The following TNN variants were observed in gnomAD, a reference collection of about 807,000 sequenced individuals.
TNN encodes the protein tenascin N.
TNN carries 122 observed loss-of-function variants against 134.4 expected under a neutral mutation model. The observed-to-expected ratio is 0.91, with a 90% CI of 0.78 to 1.06. The LOEUF is 1.06. TNN is among the 50% of genes least tolerant of loss of function. The probability of loss-of-function intolerance (pLI) is 0.00; values close to 1 mark genes in which losing one functional copy is unlikely to be tolerated. For synonymous variants in TNN, 710 were observed against 670.3 expected, an observed-to-expected ratio of 1.06 and a Z score of -0.91; for missense variants, 1,739 against 1,699.4, an observed-to-expected ratio of 1.02 and a Z score of -0.41.
At chr1:175,126,884 C>A in intron 12 of TNN, 71 bp from the exon 13 acceptor site, 1 of 1,513,318 alleles carries the variant, frequency 6.6e-7, no homozygotes, top group Non-Finnish European at 8.9e-7. Context: ...AAAATATAAA[C>A]TGATGTCTCA....
At chr1:175,079,201 A>C in intron 2 of TNN, 132 bp from the exon 3 acceptor site, 75 of 1,088,518 alleles carry the variant, frequency 6.9e-5, no homozygotes, top group East Asian at 2.6e-4. Flanking sequence ...ATAGCCGTGC[A>C]AGACCCAGAA....
intron 5 of TNN, 124 bp downstream of exon 5, chr1:175,084,059 C>A: frequency 1.0e-6 from 1 of 987,772 alleles, no homozygotes; most frequent in Non-Finnish European, 1.5e-6. Context: ...CCTTAGGAAT[C>A]ACACTTGAAT....
intron 15 of TNN, among the ~76,000 whole-genome samples, chr1:175,129,560 T>TTACC (rs1448070085): frequency 1.3e-5 from 2 of 151,304 alleles, no homozygotes; most frequent in Non-Finnish European, 2.9e-5. Flanking sequence ...TATGTATGTA[T>TTACC]TACCTATATT....
At chr1:175,143,406 G>A (rs1345340914) in intron 17 of TNN, among the ~76,000 whole-genome samples, 1 of 152,152 alleles carries the variant, frequency 6.6e-6, no homozygotes, top group Non-Finnish European at 1.5e-5. Flanking sequence ...AGGGAAACAG[G>A]AGATACATAA....
intron 8 of TNN, among the ~76,000 whole-genome samples, chr1:175,098,025 A>G (rs915401886): frequency 7.2e-5 from 11 of 152,124 alleles, no homozygotes; most frequent in African/African-American, 2.7e-4. Context: ...TATGTTAGGA[A>G]CCCTAAATGT....
chr1:175,098,432 G>A lies in TNN; in HGVS notation c.1956G>A (p.Val652=), dbSNP rs1397896836. Residue 652 remains valine, a synonymous_variant, in exon 9 of 19, where the codon GTG becomes GTA. Transcript: ENST00000239462. ...PVQAAIDKYV[V]RYTSAGGETR... is the part of the protein sequence containing the mutation. ...AGGCCGCCATTGACAAGTACGTGGT[G>A]CGCTACACCTCTGCTGGTGGAGAGA... 1 of 1,614,074 alleles carries A rather than the reference G, an allele frequency of 6.2e-7. No individual in the cohort carries two copies. Among genetic ancestry groups the A allele is most frequent in the East Asian group, 2.2e-5 (1 of 44,900 alleles).
chr1:175,082,297 T>C (rs933085144), intron 4 of TNN, among the ~76,000 whole-genome samples: 3 of 152,234 alleles, frequency 2.0e-5, no homozygotes, highest in African/African-American at 4.8e-5. Context: ...TCTGCAAGTG[T>C]GAAGTTTCTC....
At chr1:175,133,902 TC>T (rs1675734821) in intron 15 of TNN, among the ~76,000 whole-genome samples, 1 of 152,322 alleles carries the variant, frequency 6.6e-6, no homozygotes, top group Admixed American at 6.5e-5. Flanking sequence ...GTGTGGCCTT[TC>T]CCATGGCCCC....
chr1:175,073,159 A>G (rs550493288), intron 1 of TNN, among the ~76,000 whole-genome samples: 68 of 152,178 alleles, frequency 4.5e-4, no homozygotes, highest in Middle Eastern at 6.8e-3. Context: ...GTTACTGGTG[A>G]ACGGCAGAAG....
chr1:175,074,046 C>T (rs2149425111), intron 1 of TNN, among the ~76,000 whole-genome samples: 1 of 152,278 alleles, frequency 6.6e-6, no homozygotes. Context: ...CTCTCTCTGC[C>T]ATGCAGCCTG....
At chr1:175,138,876 T>G (rs1675881883) in intron 17 of TNN, among the ~76,000 whole-genome samples, 1 of 152,236 alleles carries the variant, frequency 6.6e-6, no homozygotes, top group Non-Finnish European at 1.5e-5. Context: ...GTGTAGCCTA[T>G]TGCTACTAGG....
chr1:175,128,895 A>G (rs1675603752), intron 15 of TNN, 149 bp downstream of exon 15: 5 of 838,378 alleles, frequency 6.0e-6, no homozygotes, highest in Non-Finnish European at 8.3e-6. Context: ...AGCTGTTTTT[A>G]GAGAGATCCC....
At chr1:175,117,485 G>C (rs1218080122) in intron 10 of TNN, among the ~76,000 whole-genome samples, 1 of 152,054 alleles carries the variant, frequency 6.6e-6, no homozygotes, top group Non-Finnish European at 1.5e-5. Flanking sequence ...AGTATCGAGG[G>C]TCTCTTAGTG....
At position 175,144,413 on chromosome 1, in the gene TNN, T is replaced by A; in HGVS notation, c.3622T>A (p.Trp1208Arg). The A allele has an allele frequency of 6.2e-7, 1 of 1,614,162 alleles. No homozygotes were observed. The highest frequency in any genetic ancestry group is 2.2e-5 in the East Asian group (1 of 44,888). The change falls in exon 18 of 19, where the codon TGG becomes AGG. Residue 1208 changes from tryptophan (W) to arginine (R), a missense_variant. Coordinates refer to ENST00000239462, the MANE Select transcript of TNN (RefSeq NM_022093.2). ...AGDALTYHNG[W>R]KFTTFDRDND... ...GGATGCTCTTACTTACCACAATGGA[T>A]GGAAGTTTACAACTTTTGACAGAGA...
chr1:175,146,915 T>TG lies in TNN; in HGVS notation c.3760-16_3760-15insG. 1 of 1,490,784 alleles carries TG rather than the reference T, an allele frequency of 6.7e-7. No homozygotes were observed. Among genetic ancestry groups the TG allele is most frequent in the Non-Finnish European group, 9.0e-7 (1 of 1,116,210 alleles). The allele number at this position is 1,490,784 out of a possible 1,614,324, so 92.3% of individuals were successfully genotyped here. A position where few individuals can be genotyped will look rare whatever the true frequency, so the allele number is the denominator to read the frequency against. The stretch of plus-strand genomic sequence containing the variant: ...AGAGCCTCTTCTTGATGTGGCTTTT[T>TG]TTTTTTTTTTGGTAGGGGGTGAACT... On this transcript the variant is annotated splice_polypyrimidine_tract_variant and intron_variant, in intron 18 of 18. Transcript: ENST00000239462.
At chr1:175,081,668 C>G (rs1451867334) in intron 4 of TNN, among the ~76,000 whole-genome samples, 1 of 152,108 alleles carries the variant, frequency 6.6e-6, no homozygotes, top group Non-Finnish European at 1.5e-5. Flanking sequence ...GCTAAAGACC[C>G]CCAGGAGCAC....
chr1:175,085,347 G>T, intron 5 of TNN, 58 bp from the exon 6 acceptor site: 8 of 1,073,772 alleles, frequency 7.5e-6, no homozygotes, highest in Non-Finnish European at 1.1e-5. Context: ...GAGGAGTAGT[G>T]CTGGGGAGAG....
Position 175,110,460 on chromosome 1 carries a change from T to G in TNN, c.2120-6479T>G, listed in dbSNP as rs1358778671. 2.0e-5 allele frequency among the ~76,000 whole-genome samples: 3 copies of G among 152,366 alleles called. No homozygotes were observed. The East Asian group carries it at 5.8e-4, about 29-fold the overall frequency. The stretch of plus-strand genomic sequence containing the variant: ...ATCTGCCTAGACCAATGTTCTAAAG[T>G]GTTTCACCAATGTTTTCTTCTGTAG... On this transcript the variant is annotated intron_variant, in intron 9 of 18. Coordinates refer to ENST00000239462, the MANE Select transcript of TNN (RefSeq NM_022093.2).
At position 175,083,848 on chromosome 1, in the gene TNN, C is replaced by A; in HGVS notation, c.1147C>A (p.Leu383Met). The change falls in exon 5 of 19, where the codon CTG (leucine) becomes ATG (methionine). Residue 383 changes from leucine (L) to methionine (M), a missense_variant. Leu to Met is a conservative substitution (Grantham distance 15, BLOSUM62 2). Transcript: ENST00000239462. ...CTCAACTGAGGTGGACTACTACAAG[C>A]TGCGATATGGCCCCATGACAGGACA... is the stretch of plus-strand genomic sequence containing the variant. ...NPSTEVDYYK[L>M]RYGPMTGQEV... The A allele has an allele frequency of 6.2e-7, 1 of 1,614,212 alleles. No homozygotes were observed. The highest frequency in any genetic ancestry group is 8.5e-7 in the Non-Finnish European group (1 of 1,180,034).
Sources: allele counts gnomAD v4.1 joint callset (sites outside exome capture counted in the v4.1 genomes callset), GRCh38; gene constraint gnomAD v4.1.1; transcripts MANE v1.5; gene names NCBI Gene and HGNC (gene_info 2026-07-23, HGNC 2026-07-21).